Variants in CREB5 observed in about 807,000 individuals in gnomAD.
CREB5 encodes cyclic AMP-responsive element-binding protein 5.
CREB5 carries 19 observed loss-of-function variants against 57.1 expected under a neutral mutation model. That is an observed-to-expected ratio of 0.33 (90% CI 0.23 to 0.49). The LOEUF (loss-of-function observed/expected upper bound fraction) is 0.49. Ranked by LOEUF, CREB5 falls within the 20% of genes least tolerant of loss-of-function variation. The pLI is 0.99. For missense variants in CREB5, 579 were observed against 671.6 expected (o/e 0.86, Z 1.52); for synonymous variants, 238 against 238.3 (o/e 1.00, Z 0.01).
intron 2 of CREB5, among the ~76,000 whole-genome samples, chr7:28,489,576 C>T (rs530508231): frequency 1.3e-5 from 2 of 152,076 alleles, no homozygotes; most frequent in Non-Finnish European, 2.9e-5. Flanking sequence ...GCTGGGATTA[C>T]AGGCGTGAGC....
At chr7:28,411,647 G>T (rs921278128), upstream of CREB5, among the ~76,000 whole-genome samples, 26 of 151,978 alleles carry the variant, frequency 1.7e-4, no homozygotes, top group African/African-American at 6.0e-4. Context: ...GGAGAGAGGG[G>T]ATTGGAGTGG....
At chr7:28,778,039 G>T (rs1400904426) in intron 7 of CREB5, among the ~76,000 whole-genome samples, 1 of 152,076 alleles carries the variant, frequency 6.6e-6, no homozygotes, top group Non-Finnish European at 1.5e-5. Flanking sequence ...ACGATTTATT[G>T]ATCTTTTCCA....
chr7:28,441,821 T>A (rs1361319647), intron 1 of CREB5, among the ~76,000 whole-genome samples: 5 of 152,148 alleles, frequency 3.3e-5, no homozygotes, highest in African/African-American at 4.8e-5. Flanking sequence ...TTTTAAAAAC[T>A]TTTTTAAATT....
rs779374996 is a variant in CREB5, at chr7:28,345,365, G to A, written c.-25+45924G>A. On this transcript the variant is annotated intron_variant, in intron 1 of 9. Transcript: ENST00000396299. Reference sequence around the variant, plus strand: ...GTTTTAAAAATCAAAATCATGACAAGTATTGTTTCCAACCACAATGATATG... The same window carrying A: ...GTTTTAAAAATCAAAATCATGACAAATATTGTTTCCAACCACAATGATATG... 5.0e-4 allele frequency among the ~76,000 whole-genome samples: 75 copies of A among 151,050 alleles called. 1 individual carries two copies. Among genetic ancestry groups the A allele is most frequent in the Admixed American group, 8.6e-4 (13 of 15,148 alleles).
At chr7:28,787,382 T>C (rs969213400) in intron 7 of CREB5, among the ~76,000 whole-genome samples, 2 of 152,248 alleles carry the variant, frequency 1.3e-5, no homozygotes, top group Non-Finnish European at 2.9e-5. Flanking sequence ...AGAGAAAGCC[T>C]GGACTGGCAG....
chr7:28,591,279 A>G (rs1335801271), intron 5 of CREB5, among the ~76,000 whole-genome samples: 1 of 152,130 alleles, frequency 6.6e-6, no homozygotes, highest in African/African-American at 2.4e-5. Flanking sequence ...ACCCAAGCAT[A>G]ACGCCATTCC....
chr7:28,825,819 G>A lies in CREB5; in HGVS notation c.*6540G>A, dbSNP rs1810032079. ...TTTACATCTCTTTCTAGCAAGAAGAGACAAGATTTTGTGCATTTGTACAAA... is the reference window on the plus strand; with the variant it reads ...TTTACATCTCTTTCTAGCAAGAAGAAACAAGATTTTGTGCATTTGTACAAA... On this transcript the variant is annotated 3_prime_UTR_variant, in exon 11 of 11. Coordinates refer to ENST00000357727, the MANE Select transcript of CREB5 (RefSeq NM_182898.4). The A allele has an allele frequency of 6.6e-6, 1 of 152,626 alleles. No individual in the cohort carries two copies. The highest frequency in any genetic ancestry group is 1.9e-4 in the East Asian group (1 of 5,198). 9.5% of individuals were successfully genotyped at this position (152,626 alleles called of 1,614,324 possible).
intron 1 of CREB5, among the ~76,000 whole-genome samples, chr7:28,328,929 T>G (rs1312735856): frequency 1.3e-5 from 2 of 152,244 alleles, no homozygotes; most frequent in Non-Finnish European, 2.9e-5. Flanking sequence ...GAGAGCCATA[T>G]GCAAGTACAC....
At chr7:28,587,167 T>C (rs1407317364) in intron 5 of CREB5, among the ~76,000 whole-genome samples, 2 of 152,146 alleles carry the variant, frequency 1.3e-5, no homozygotes, top group Non-Finnish European at 2.9e-5. Flanking sequence ...TCAGAGAAAG[T>C]ACAGTACAAC....
At chr7:28,414,595 G>A (rs1358539787) in intron 1 of CREB5, among the ~76,000 whole-genome samples, 1 of 152,164 alleles carries the variant, frequency 6.6e-6, no homozygotes, top group Admixed American at 6.5e-5. Context: ...TGTAAAATAA[G>A]TAAGCTATCT....
intron 5 of CREB5, among the ~76,000 whole-genome samples, chr7:28,580,206 A>C (rs762755892): frequency 6.6e-6 from 1 of 152,196 alleles, no homozygotes; most frequent in Non-Finnish European, 1.5e-5. Context: ...GACTTTCTAA[A>C]ACATTGAAAG....
At chr7:28,642,744 A>G (rs1562544383) in intron 5 of CREB5, among the ~76,000 whole-genome samples, 1 of 152,160 alleles carries the variant, frequency 6.6e-6, no homozygotes, top group Non-Finnish European at 1.5e-5. Context: ...TTCTGTTAAC[A>G]AAGTTATTTG....
At chr7:28,643,111 G>A (rs1798746178) in intron 5 of CREB5, among the ~76,000 whole-genome samples, 1 of 151,956 alleles carries the variant, frequency 6.6e-6, no homozygotes, top group Non-Finnish European at 1.5e-5. Context: ...TCAATTGTCG[G>A]GTCCTGAGGG....
intron 1 of CREB5, among the ~76,000 whole-genome samples, chr7:28,305,023 T>C (rs910479382): frequency 3.9e-5 from 6 of 152,162 alleles, no homozygotes; most frequent in African/African-American, 7.2e-5. Context: ...TAGGAAAAAA[T>C]ACATTTTAAA....
At chr7:28,455,928 T>C (rs1474703327) in intron 1 of CREB5, among the ~76,000 whole-genome samples, 1 of 152,218 alleles carries the variant, frequency 6.6e-6, no homozygotes, top group African/African-American at 2.4e-5. Context: ...GGATGGACAA[T>C]GGACAGATAA....
intron 1 of CREB5, among the ~76,000 whole-genome samples, chr7:28,331,188 T>C (rs1785709576): frequency 1.3e-5 from 2 of 152,138 alleles, no homozygotes; most frequent in African/African-American, 4.8e-5. Context: ...TCAACCATTT[T>C]TTTTTATTAT....
chr7:28,443,919 A>G (rs1362932260), intron 1 of CREB5, among the ~76,000 whole-genome samples: 1 of 152,234 alleles, frequency 6.6e-6, no homozygotes, highest in African/African-American at 2.4e-5. Context: ...CGGTATTGGT[A>G]GATCCTGATA....
chr7:28,797,414 G>T (rs554504912), intron 7 of CREB5, among the ~76,000 whole-genome samples: 1 of 152,246 alleles, frequency 6.6e-6, no homozygotes, highest in South Asian at 2.1e-4. Context: ...TAGTAAGTTT[G>T]AATGATGTAA....
chr7:28,713,190 C>T (rs868196582), intron 5 of CREB5, among the ~76,000 whole-genome samples: 1 of 152,146 alleles, frequency 6.6e-6, no homozygotes, highest in Non-Finnish European at 1.5e-5. Context: ...GTAGCTGGGA[C>T]TATGCCTGGC....
Sources: allele counts gnomAD v4.1 joint callset (sites outside exome capture counted in the v4.1 genomes callset), GRCh38; gene constraint gnomAD v4.1.1; transcripts MANE v1.5; gene names NCBI Gene and HGNC (gene_info 2026-07-23, HGNC 2026-07-21).